Variants in DSC3 observed in about 807,000 individuals in gnomAD.
DSC3 encodes the protein desmocollin-3.
In DSC3, 97 loss-of-function variants were observed where a neutral mutation model predicts 89.5. That is an observed-to-expected ratio of 1.08 (90% CI 0.92 to 1.28). DSC3 has a LOEUF of 1.28. Among genes scored for constraint, DSC3 ranks in the 50% most tolerant of loss-of-function variants. The probability of loss-of-function intolerance (pLI) is 0.00; values close to 1 mark genes in which losing one functional copy is unlikely to be tolerated. For missense variants in DSC3, 1,199 were observed against 1,085.3 expected, an observed-to-expected ratio of 1.10 and a Z score of -1.47; for synonymous variants, 436 against 384.1, an observed-to-expected ratio of 1.14 and a Z score of -1.58.
intron 12 of DSC3, among the ~76,000 whole-genome samples, chr18:31,004,939 T>C (rs535738964): frequency 3.9e-5 from 6 of 152,328 alleles, no homozygotes; most frequent in African/African-American, 1.2e-4. Context: ...TCAACTCTGA[T>C]AGTCAATTTT....
At position 30,989,870 on chromosome 18, in the gene DSC3, G is replaced by A. The variant is rs111956375; in HGVS notation, c.*4305C>T. On this transcript the variant is annotated 3_prime_UTR_variant, in exon 16 of 16. Transcript: ENST00000360428. ...TTGATAGGTGCAGCAAACCACCATG[G>A]GACACGTTTACCTATGTAACAAACC... 0.068 allele frequency: 10,326 copies of A among 152,332 alleles called. 423 individuals are homozygous for A. The highest frequency in any genetic ancestry group is 0.19 in the East Asian group (959 of 5,150). The allele number at this position is 152,332 out of a possible 1,614,324, so 9.4% of individuals were successfully genotyped here.
intron 12 of DSC3, among the ~76,000 whole-genome samples, chr18:31,004,668 C>T (rs1255141725): frequency 6.6e-6 from 1 of 152,186 alleles, no homozygotes; most frequent in Non-Finnish European, 1.5e-5. Context: ...TTAACATACA[C>T]TTCAAGCATT....
At chr18:31,029,412 G>C in intron 4 of DSC3, 97 bp downstream of exon 4, 1 of 1,473,506 alleles carries the variant, frequency 6.8e-7, no homozygotes, top group Non-Finnish European at 9.4e-7. Context: ...TCTTTAATCA[G>C]ATCTGTTTAT....
chr18:30,991,846 G>C lies in DSC3; in HGVS notation c.*2329C>G, dbSNP rs1486142551. Reference sequence around the variant, plus strand: ...ATCAACTTTCACACATGTTCAAAATGATTACATTAAAAGAAGACGACTTTA... The same window carrying C: ...ATCAACTTTCACACATGTTCAAAATCATTACATTAAAAGAAGACGACTTTA... On this transcript the variant is annotated 3_prime_UTR_variant, in exon 16 of 16. Transcript: ENST00000360428. The C allele has an allele frequency of 6.6e-6, 1 of 152,110 alleles. No homozygotes were observed. 9.4% of individuals were successfully genotyped at this position (152,110 alleles called of 1,614,324 possible).
At chr18:31,038,998 A>T (rs1986054481) in intron 1 of DSC3, among the ~76,000 whole-genome samples, 1 of 152,100 alleles carries the variant, frequency 6.6e-6, no homozygotes, top group Admixed American at 6.5e-5. Flanking sequence ...ATTGAAAACA[A>T]AATAAAGTAA....
In DSC3 at chr18:31,008,035, T is replaced by G. The variant is rs770261397; in HGVS notation, c.1644A>C (p.Thr548=). Residue 548 remains threonine (T), a synonymous_variant, in exon 11 of 16, where the codon ACA becomes ACC. Coordinates refer to ENST00000360428, the MANE Select transcript of DSC3 (RefSeq NM_001941.5). ...ETPKNELYNI[T]VLAIDKDDRS... ...TTTTACCTTTGTCTATTGCCAGGACTGTAATATTATACAACTCATTTTTGG... is the reference window on the plus strand; with the variant it reads ...TTTTACCTTTGTCTATTGCCAGGACGGTAATATTATACAACTCATTTTTGG... 2 of 1,613,300 alleles carry G rather than the reference T, an allele frequency of 1.2e-6. No individual in the cohort carries two copies.
intron 7 of DSC3, among the ~76,000 whole-genome samples, chr18:31,021,231 A>T (rs1017885223): frequency 3.3e-5 from 5 of 152,092 alleles, no homozygotes; most frequent in Non-Finnish European, 5.9e-5. Flanking sequence ...AATTTTTCTA[A>T]ACCTCATTTT....
chr18:31,000,466 G>A (rs974045550), intron 14 of DSC3, among the ~76,000 whole-genome samples: 9 of 152,062 alleles, frequency 5.9e-5, no homozygotes, highest in African/African-American at 2.2e-4. Flanking sequence ...CCTCTCTCCT[G>A]TAGAAAAGCC....
intron 15 of DSC3, among the ~76,000 whole-genome samples, chr18:30,995,212 G>A (rs1984414415): frequency 6.6e-6 from 1 of 152,112 alleles, no homozygotes; most frequent in Non-Finnish European, 1.5e-5. Context: ...GAGTTCATTG[G>A]CATGGCTTAC....
At chr18:31,018,986 C>A (rs2144710898) in intron 7 of DSC3, among the ~76,000 whole-genome samples, 186 bp from the exon 8 acceptor site, 1 of 152,292 alleles carries the variant, frequency 6.6e-6, no homozygotes, top group Middle Eastern at 3.4e-3. Flanking sequence ...AAGAGGCAGG[C>A]AGAGATTAAA....
At chr18:31,039,197 A>G (rs2144743641) in intron 1 of DSC3, among the ~76,000 whole-genome samples, 1 of 152,276 alleles carries the variant, frequency 6.6e-6, no homozygotes, top group African/African-American at 2.4e-5. Flanking sequence ...TTATAGTACT[A>G]AGCAAATTGT....
At position 31,008,167 on chromosome 18, in the gene DSC3, A is replaced by T. The variant is rs772412271; in HGVS notation, c.1521-9T>A. On this transcript the variant is annotated splice_polypyrimidine_tract_variant and intron_variant, in intron 10 of 15. Transcript: ENST00000360428. ...CATGCAATTTTTTGTACCTGTTAATAAAAAAAAAATAGTCTTTAGCATCAG... is the reference window on the plus strand; with the variant it reads ...CATGCAATTTTTTGTACCTGTTAATTAAAAAAAAATAGTCTTTAGCATCAG... 4 of 1,423,316 alleles carry T rather than the reference A, an allele frequency of 2.8e-6. No homozygotes were observed. The African/African-American group carries it at 5.1e-5, about 18-fold the overall frequency. The allele number at this position is 1,423,316 out of a possible 1,614,324, so 88.2% of individuals were successfully genotyped here.
Position 30,989,566 on chromosome 18 carries a change from G to A in DSC3, c.*4609C>T, listed in dbSNP as rs1165044936. Reference sequence around the variant, plus strand: ...ACATTTTAAATGTACTAAAGTCACTGAATTATACACTTTAAAATGGTGAAA... The same window carrying A: ...ACATTTTAAATGTACTAAAGTCACTAAATTATACACTTTAAAATGGTGAAA... On this transcript the variant is annotated 3_prime_UTR_variant, in exon 16 of 16. Coordinates refer to ENST00000360428, the MANE Select transcript of DSC3 (RefSeq NM_001941.5). Among the ~76,000 whole-genome samples the A allele has an allele frequency of 2.0e-5, 3 of 152,110 alleles. No homozygotes were observed. The highest frequency in any genetic ancestry group is 2.9e-5 in the Non-Finnish European group (2 of 68,012).
intron 7 of DSC3, among the ~76,000 whole-genome samples, chr18:31,021,835 G>T (rs1050708623): frequency 6.6e-6 from 1 of 152,048 alleles, no homozygotes; most frequent in African/African-American, 2.4e-5. Flanking sequence ...GCATTAAGAA[G>T]TTCAATATAA....
rs1171063616 is a variant in DSC3 at position 31,002,724 on chromosome 18, GA to G, written c.2114-986del. ...TCAAAAAAAAAAAAAAAGAAAGAAAGAAAAAAAAAAGAAAATTACATGAAAT... is the reference window on the plus strand; with the variant it reads ...TCAAAAAAAAAAAAAAAGAAAGAAAGAAAAAAAAAGAAAATTACATGAAAT... On this transcript the variant is annotated intron_variant, in intron 13 of 15. Transcript: ENST00000360428. Among the ~76,000 whole-genome samples, 40 of 137,338 alleles carry G rather than the reference GA, an allele frequency of 2.9e-4. 1 individual carries two copies. Among genetic ancestry groups the G allele is most frequent in the East Asian group, 1.9e-3 (9 of 4,672 alleles). 90.1% of individuals were successfully genotyped at this position (137,338 alleles called of 152,430 possible).
intron 1 of DSC3, among the ~76,000 whole-genome samples, chr18:31,032,548 GTGTGTA>G (rs1234153614): frequency 6.1e-4 from 59 of 96,618 alleles, no homozygotes; most frequent in African/African-American, 1.8e-3. Flanking sequence ...AACTGCTTCT[GTGTGTA>G]TGTGTGTGTG....
At chr18:31,013,228 CAAAG>C (rs1985128848) in intron 9 of DSC3, among the ~76,000 whole-genome samples, 1 of 144,060 alleles carries the variant, frequency 6.9e-6, no homozygotes. Flanking sequence ...TATTTTATGA[CAAAG>C]AAAATATGTC....
intron 9 of DSC3, among the ~76,000 whole-genome samples, chr18:31,010,467 C>A (rs1023111912): frequency 1.3e-5 from 2 of 151,990 alleles, no homozygotes; most frequent in Non-Finnish European, 2.9e-5. Flanking sequence ...TCCCATTTTT[C>A]GAGGCTTAAG....
intron 6 of DSC3, among the ~76,000 whole-genome samples, chr18:31,023,554 A>G (rs1985494970): frequency 6.6e-6 from 1 of 152,194 alleles, no homozygotes; most frequent in Admixed American, 6.5e-5. Flanking sequence ...GTTAACATCT[A>G]TGACATCAGA....
Sources: allele counts gnomAD v4.1 joint callset (sites outside exome capture counted in the v4.1 genomes callset), GRCh38; gene constraint gnomAD v4.1.1; transcripts MANE v1.5; gene names NCBI Gene and HGNC (gene_info 2026-07-23, HGNC 2026-07-21).